Variants in SNORC observed in about 807,000 individuals in gnomAD.
The protein encoded by SNORC is protein SNORC.
Under a neutral mutation model 9.7 loss-of-function variants are expected in SNORC, and 11 were observed. That is an observed-to-expected ratio of 1.14 (90% confidence interval 0.72 to 1.88). SNORC has a LOEUF of 1.88. Ranked by LOEUF, SNORC falls within the 40% of genes most tolerant of loss-of-function variation. The probability of loss-of-function intolerance (pLI) is 0.00; values close to 1 mark genes in which losing one functional copy is unlikely to be tolerated. For missense variants in SNORC, 197 were observed against 173.1 expected (o/e 1.14, Z -0.77); for synonymous variants, 108 against 88.7 (o/e 1.22, Z -1.22).
chr2:232,870,613 TAGC>T (rs764942898), intron 1 of SNORC, among the ~76,000 whole-genome samples, 199 bp downstream of exon 1: 3 of 152,152 alleles, frequency 2.0e-5, no homozygotes, highest in Non-Finnish European at 4.4e-5. Context: ...AGGAAATTGT[TAGC>T]AGGAGGGATA....
At chr2:232,873,343 A>G (rs1356728407) in intron 1 of SNORC, among the ~76,000 whole-genome samples, 1 of 152,032 alleles carries the variant, frequency 6.6e-6, no homozygotes, top group East Asian at 1.9e-4. Context: ...TGGTGGGCGC[A>G]GCAGAGACAG....
upstream of SNORC, chr2:232,870,155 CTT>C (rs1491217795): frequency 5.0e-6 from 3 of 595,000 alleles, no homozygotes; most frequent in Admixed American, 2.8e-5. Flanking sequence ...TCTGTGAGCT[CTT>C]GTGTGTGTGT....
rs1473289340 is a variant in SNORC at position 232,876,139 on chromosome 2, G to A, written c.256+17G>A. ...AGGGCGGCGGTACGGGCGGGGCGGG[G>A]GAGGGAGGGGAGAGGGAGAAATTAG... is the stretch of plus-strand genomic sequence containing the variant. On this transcript the variant is annotated intron_variant, in intron 2 of 2. Transcript: ENST00000331342. The surrounding 1 kb of genome is among the most constrained non-coding windows in gnomAD (Gnocchi z 6.8). 2.0e-6 allele frequency: 3 copies of A among 1,484,006 alleles called. No individual in the cohort carries two copies. In the East Asian group the frequency reaches 8.0e-5, roughly 40 times the overall value. 91.9% of individuals were successfully genotyped at this position (1,484,006 alleles called of 1,614,324 possible). A position where few individuals can be genotyped will look rare whatever the true frequency, so the allele number is the denominator to read the frequency against.
At chr2:232,867,260 A>ATTT (rs1690897052), upstream of SNORC, among the ~76,000 whole-genome samples, 6 of 152,366 alleles carry the variant, frequency 3.9e-5, no homozygotes, top group African/African-American at 1.4e-4. Flanking sequence ...CATAATCCTC[A>ATTT]GTATTTCCTT....
At chr2:232,876,404 C>T (rs200957540), downstream of SNORC, 304 of 1,487,910 alleles carry the variant, frequency 2.0e-4, 1 homozygote, top group African/African-American at 1.7e-3. This position sits in a 1 kb window ranked among gnomAD's most constrained non-coding sequence, Gnocchi z 6.8. Context: ...CGGCTGCACT[C>T]CTCACGCGCC....
At chr2:232,874,659 G>C (rs1469372248) in intron 1 of SNORC, among the ~76,000 whole-genome samples, 2 of 152,236 alleles carry the variant, frequency 1.3e-5, no homozygotes, top group Non-Finnish European at 2.9e-5. Flanking sequence ...GCCTCTCTGG[G>C]TGCTGGTGAA....
At chr2:232,873,079 A>G (rs987325536) in intron 1 of SNORC, among the ~76,000 whole-genome samples, 3 of 152,216 alleles carry the variant, frequency 2.0e-5, no homozygotes, top group Admixed American at 1.3e-4. Flanking sequence ...CTGCAGACCC[A>G]TAGCAACTGG....
chr2:232,876,782 G>A (rs929992943), downstream of SNORC: 1 of 985,294 alleles, frequency 1.0e-6, no homozygotes, highest in Non-Finnish European at 1.2e-6. This position sits in a 1 kb window ranked among gnomAD's most constrained non-coding sequence, Gnocchi z 6.8. Flanking sequence ...CGGGGGCACC[G>A]TCACGGTCAG....
At chr2:232,876,842 G>T, downstream of SNORC, 1 of 985,672 alleles carries the variant, frequency 1.0e-6, no homozygotes, top group Non-Finnish European at 1.2e-6. This position sits in a 1 kb window ranked among gnomAD's most constrained non-coding sequence, Gnocchi z 6.8. Context: ...CTCTGCCTGG[G>T]CGCGGGCCGA....
chr2:232,871,273 G>GAGGCCCCCTCGGCCACACCCTGGGA (rs1423885483), intron 1 of SNORC, among the ~76,000 whole-genome samples: 3 of 152,182 alleles, frequency 2.0e-5, no homozygotes, highest in Non-Finnish European at 4.4e-5. Context: ...CAGGCCTGGG[G>GAGGCCCCCTCGGCCACACCCTGGGA]AGGCCCCCTC....
downstream of SNORC, chr2:232,876,580 T>C: frequency 8.7e-7 from 1 of 1,146,810 alleles, no homozygotes; most frequent in Non-Finnish European, 1.1e-6. The surrounding 1 kb of genome is among the most constrained non-coding windows in gnomAD (Gnocchi z 6.8). Flanking sequence ...GGGGCGTGCG[T>C]GAGCGCACAG....
At chr2:232,877,347 C>G (rs139860690), downstream of SNORC, 4 of 985,436 alleles carry the variant, frequency 4.1e-6, no homozygotes, top group African/African-American at 1.7e-5. Context: ...ACCTCGGAAG[C>G]ATTTAGAGAT....
chr2:232,876,985 G>A (rs1691281290), downstream of SNORC: 2 of 985,636 alleles, frequency 2.0e-6, no homozygotes, highest in East Asian at 1.1e-4. The surrounding 1 kb of genome is among the most constrained non-coding windows in gnomAD (Gnocchi z 6.8). Flanking sequence ...TTGAGGCCGG[G>A]GTTGGGGAGG....
At chr2:232,869,603 A>C (rs879796533), upstream of SNORC, 2 of 152,524 alleles carry the variant, frequency 1.3e-5, no homozygotes, top group Admixed American at 6.5e-5. Flanking sequence ...GGGGCTGTTG[A>C]GAAGCAGTGG....
At chr2:232,874,868 C>T (rs995166223) in intron 1 of SNORC, among the ~76,000 whole-genome samples, 2 of 152,240 alleles carry the variant, frequency 1.3e-5, no homozygotes, top group African/African-American at 4.8e-5. Context: ...TGCTCACCAC[C>T]ACGGCACCTT....
chr2:232,870,181 G>GC (rs1690967497), upstream of SNORC: 2 of 668,930 alleles, frequency 3.0e-6, no homozygotes, highest in South Asian at 1.7e-5. Context: ...GGTGGGGGGA[G>GC]CGGGGGGGTG....
chr2:232,876,557 C>CCGCAGGGG, downstream of SNORC: 1 of 1,178,214 alleles, frequency 8.5e-7, no homozygotes, highest in Non-Finnish European at 1.0e-6. The surrounding 1 kb of genome is among the most constrained non-coding windows in gnomAD (Gnocchi z 6.8). Context: ...CCCGAATTCC[C>CCGCAGGGG]CGCAGGGGCG....
chr2:232,876,500 C>CG, downstream of SNORC: 2 of 1,293,250 alleles, frequency 1.5e-6, no homozygotes, highest in Non-Finnish European at 2.0e-6. This position sits in a 1 kb window ranked among gnomAD's most constrained non-coding sequence, Gnocchi z 6.8. Flanking sequence ...GGGGTGCGCG[C>CG]GGGGCCGAGG....
upstream of SNORC, chr2:232,869,065 C>A (rs1007126239): frequency 6.6e-6 from 1 of 152,132 alleles, no homozygotes; most frequent in Non-Finnish European, 1.5e-5. Flanking sequence ...ATACCTGATT[C>A]TAGTTATGGA....
Sources: allele counts gnomAD v4.1 joint callset (sites outside exome capture counted in the v4.1 genomes callset), GRCh38; gene constraint gnomAD v4.1.1; non-coding constraint Gnocchi (gnomAD v3.1); transcripts MANE v1.5; gene names NCBI Gene and HGNC (gene_info 2026-07-23, HGNC 2026-07-21).